The following GFOD1 variants were observed in gnomAD, a reference collection of about 807,000 sequenced individuals.
GFOD1 encodes glucose-fructose oxidoreductase domain-containing protein 1.
Under a neutral mutation model 25.4 loss-of-function variants are expected in GFOD1, and 9 were observed. The observed-to-expected ratio is 0.35, with a 90% CI of 0.21 to 0.62. The LOEUF is 0.62. Ranked by LOEUF, GFOD1 falls within the 20% of genes least tolerant of loss-of-function variation. The pLI, the probability that GFOD1 is intolerant of heterozygous loss-of-function variation, is 0.72. For synonymous variants in GFOD1, 253 were observed against 245.6 expected (o/e 1.03, Z -0.28); for missense variants, 403 against 556.9 (o/e 0.72, Z 2.78).
At chr6:13,408,443 T>G (rs993235774) in intron 1 of GFOD1, among the ~76,000 whole-genome samples, 18 of 152,330 alleles carry the variant, frequency 1.2e-4, no homozygotes, top group Non-Finnish European at 1.9e-4. Context: ...TTTCTACTGA[T>G]GGCTGCTTTT....
intron 1 of GFOD1, among the ~76,000 whole-genome samples, chr6:13,374,001 T>A (rs1450200579): frequency 6.6e-6 from 1 of 152,152 alleles, no homozygotes; most frequent in Non-Finnish European, 1.5e-5. Context: ...GCACAAATGG[T>A]ACAATTTCAA....
intron 1 of GFOD1, among the ~76,000 whole-genome samples, chr6:13,379,197 G>T (rs1424041415): frequency 6.6e-6 from 1 of 152,166 alleles, no homozygotes; most frequent in Non-Finnish European, 1.5e-5. Context: ...TGTGTGTTTG[G>T]GGGAGGAAAG....
rs565025122 is a variant in GFOD1 at position 13,390,005 on chromosome 6, G to C, written c.254-24343C>G. Among the ~76,000 whole-genome samples, 105 of 151,934 alleles carry C rather than the reference G, an allele frequency of 6.9e-4. 4 individuals are homozygous for C. The South Asian group carries it at 0.021, about 31-fold the overall frequency. On this transcript the variant is annotated intron_variant, in intron 1 of 1. Transcript: ENST00000379287. Reference sequence around the variant, plus strand: ...TGCACATTCCCACCTTCCCTCCTTTGCTACCTGCCTCTCCAGTCCCCATTG... The same window carrying C: ...TGCACATTCCCACCTTCCCTCCTTTCCTACCTGCCTCTCCAGTCCCCATTG...
intron 1 of GFOD1, among the ~76,000 whole-genome samples, chr6:13,459,607 A>C (rs1180658630): frequency 6.6e-6 from 1 of 152,168 alleles, no homozygotes; most frequent in Non-Finnish European, 1.5e-5. Context: ...CAATCTACCC[A>C]TCTGACAAAG....
intron 1 of GFOD1, among the ~76,000 whole-genome samples, chr6:13,429,212 T>C (rs1757703590): frequency 1.3e-5 from 2 of 152,176 alleles, no homozygotes; most frequent in Non-Finnish European, 2.9e-5. Flanking sequence ...TGGCTGGCCA[T>C]AGCACAGCTG....
chr6:13,446,979 T>C (rs1202207769), intron 1 of GFOD1, among the ~76,000 whole-genome samples: 2 of 152,218 alleles, frequency 1.3e-5, no homozygotes, highest in African/African-American at 2.4e-5. Context: ...TGGGCTCATC[T>C]GTAAGGGATG....
At chr6:13,462,473 ACACCCAATT>A (rs1439561441) in intron 1 of GFOD1, among the ~76,000 whole-genome samples, 8 of 152,180 alleles carry the variant, frequency 5.3e-5, no homozygotes, top group Non-Finnish European at 8.8e-5. Context: ...TGTGAGCCTC[ACACCCAATT>A]CATCTTCAGT....
rs1784989522 is a variant in GFOD1, at chr6:13,363,925, T to G, written c.*818A>C. 1 of 152,214 alleles carries G rather than the reference T, an allele frequency of 6.6e-6. No individual in the cohort carries two copies. Among genetic ancestry groups the G allele is most frequent in the African/African-American group, 2.4e-5 (1 of 41,446 alleles). 9.4% of individuals were successfully genotyped at this position (152,214 alleles called of 1,614,324 possible). A position where few individuals can be genotyped will look rare whatever the true frequency, so the allele number is the denominator to read the frequency against. On this transcript the variant is annotated 3_prime_UTR_variant, in exon 2 of 2. Transcript: ENST00000379287. ...ATTCCACCTTTACTGGAAATAGTGT[T>G]ATAAGGTGACTCCTTGCAGTTTTTT...
At position 13,360,682 on chromosome 6, in the gene GFOD1, G is replaced by T; in HGVS notation, c.*4061C>A. On this transcript the variant is annotated 3_prime_UTR_variant, in exon 2 of 2. Coordinates refer to ENST00000379287, the MANE Select transcript of GFOD1 (RefSeq NM_018988.4). ...GGGAAGAAACACTGGCTACTTCTAT[G>T]TGCAGCTCTACAGCCTCCTGGCAGA... 2.2e-6 allele frequency: 1 copy of T among 456,624 alleles called. No homozygotes were observed. Among genetic ancestry groups the T allele is most frequent in the Non-Finnish European group, 4.4e-6 (1 of 226,844 alleles). 28.3% of individuals were successfully genotyped at this position (456,624 alleles called of 1,614,324 possible). A position where few individuals can be genotyped will look rare whatever the true frequency, so the allele number is the denominator to read the frequency against.
At chr6:13,446,882 T>C (rs1478894628) in intron 1 of GFOD1, among the ~76,000 whole-genome samples, 1 of 152,264 alleles carries the variant, frequency 6.6e-6, no homozygotes, top group Non-Finnish European at 1.5e-5. Flanking sequence ...GTCATTTCTC[T>C]GCCCATCTTC....
At position 13,365,056 on chromosome 6, in the gene GFOD1, T is replaced by G; in HGVS notation, c.860A>C (p.Asn287Thr). Residue 287 changes from asparagine to threonine, a missense_variant, in exon 2 of 2, where the codon AAC becomes ACC. By Grantham distance (65) the Asn-to-Thr change is moderately conservative (BLOSUM62 0). Transcript: ENST00000379287. The surrounding 1 kb of genome is among the most constrained non-coding windows in gnomAD (Gnocchi z 9.2). ...GAAGGCCTTCTCCGGAAGCAGGGAG[T>G]TGCTCACCGGCGTGGCGTCCTGCAC... The part of the protein sequence containing the change: ...LLVQDATPVS[N>T]SLLPEKAFSD... The G allele has an allele frequency of 6.2e-7, 1 of 1,610,804 alleles. No individual in the cohort carries two copies. The highest frequency in any genetic ancestry group is 8.5e-7 in the Non-Finnish European group (1 of 1,179,836).
intron 1 of GFOD1, chr6:13,470,506 G>T: frequency 2.6e-6 from 4 of 1,549,894 alleles, no homozygotes; most frequent in Non-Finnish European, 3.5e-6. Flanking sequence ...CATCGTGGGG[G>T]GTAAACAAAT....
At chr6:13,470,508 T>A in intron 1 of GFOD1, 1 of 1,549,612 alleles carries the variant, frequency 6.5e-7, no homozygotes, top group South Asian at 1.2e-5. Flanking sequence ...TCGTGGGGGG[T>A]AAACAAATGT....
At chr6:13,448,164 G>C (rs1215859535) in intron 1 of GFOD1, among the ~76,000 whole-genome samples, 1 of 152,176 alleles carries the variant, frequency 6.6e-6, no homozygotes, top group Non-Finnish European at 1.5e-5. Flanking sequence ...TTGTTATAAA[G>C]GTCTGGCTTC....
intron 1 of GFOD1, chr6:13,470,726 C>G (rs955419617): frequency 1.4e-6 from 2 of 1,428,066 alleles, no homozygotes; most frequent in Non-Finnish European, 1.8e-6. Context: ...ATAAGAAGAG[C>G]CTGCCAGGGA....
chr6:13,410,881 C>A (rs994782515), intron 1 of GFOD1, among the ~76,000 whole-genome samples: 44 of 152,198 alleles, frequency 2.9e-4, no homozygotes, highest in African/African-American at 1.1e-3. Flanking sequence ...AACACCTTAC[C>A]CCTCACCCTC....
chr6:13,387,193 T>G (rs551749959), intron 1 of GFOD1, among the ~76,000 whole-genome samples: 1 of 152,166 alleles, frequency 6.6e-6, no homozygotes, highest in African/African-American at 2.4e-5. Context: ...CTCAGAGCCA[T>G]TAATGTTTAC....
chr6:13,372,034 G>C (rs144129770), intron 1 of GFOD1, among the ~76,000 whole-genome samples: 1 of 152,348 alleles, frequency 6.6e-6, no homozygotes, highest in Non-Finnish European at 1.5e-5. Flanking sequence ...AAGAGCTAAA[G>C]CTGGGTCTTT....
intron 1 of GFOD1, among the ~76,000 whole-genome samples, chr6:13,386,849 C>G: frequency 6.6e-6 from 1 of 152,260 alleles, no homozygotes; most frequent in Middle Eastern, 3.4e-3. Flanking sequence ...CTGAGGAACA[C>G]CGGCCCTACA....
Sources: allele counts gnomAD v4.1 joint callset (sites outside exome capture counted in the v4.1 genomes callset), GRCh38; gene constraint gnomAD v4.1.1; non-coding constraint Gnocchi (gnomAD v3.1); transcripts MANE v1.5; gene names NCBI Gene and HGNC (gene_info 2026-07-23, HGNC 2026-07-21).